Variants in TBC1D1 observed in about 807,000 individuals in gnomAD.
TBC1D1 encodes TBC1 domain family member 1.
Under a neutral mutation model 125.6 loss-of-function variants are expected in TBC1D1, and 89 were observed. The observed-to-expected ratio is 0.71, with a 90% confidence interval of 0.60 to 0.85. TBC1D1 has a LOEUF of 0.85. TBC1D1 is among the 40% of genes least tolerant of loss of function. TBC1D1 has a pLI of 0.00. For synonymous variants in TBC1D1, 565 were observed against 564.1 expected (o/e 1.00, Z -0.02); for missense variants, 1,377 against 1,469.2 (o/e 0.94, Z 1.03).
At chr4:38,085,363 C>G (rs1757313378) in intron 12 of TBC1D1, among the ~76,000 whole-genome samples, 1 of 152,040 alleles carries the variant, frequency 6.6e-6, no homozygotes, top group Non-Finnish European at 1.5e-5. Context: ...TAGGAGATGT[C>G]AGAATAGTAA....
intron 7 of TBC1D1, among the ~76,000 whole-genome samples, chr4:38,028,159 T>C (rs936410937): frequency 1.3e-5 from 2 of 151,670 alleles, no homozygotes; most frequent in South Asian, 4.2e-4. Context: ...AAAAATCTCA[T>C]AATGGTTTTT....
intron 2 of TBC1D1, among the ~76,000 whole-genome samples, chr4:37,903,996 C>G (rs1716746860): frequency 6.6e-6 from 1 of 152,218 alleles, no homozygotes; most frequent in Non-Finnish European, 1.5e-5. Context: ...ACGGCAGCAT[C>G]AGGCTTGGAG....
At chr4:38,022,593 G>A (rs780661108) in intron 6 of TBC1D1, among the ~76,000 whole-genome samples, 2 of 152,164 alleles carry the variant, frequency 1.3e-5, no homozygotes, top group Non-Finnish European at 2.9e-5. Context: ...GAGCCCAAGG[G>A]GCCAGAGGGG....
intron 12 of TBC1D1, among the ~76,000 whole-genome samples, chr4:38,061,536 A>G (rs1051090548): frequency 6.6e-6 from 1 of 152,228 alleles, no homozygotes; most frequent in African/African-American, 2.4e-5. Flanking sequence ...CATTTCACCA[A>G]CAATAGAAGC....
intron 1 of TBC1D1, among the ~76,000 whole-genome samples, chr4:37,892,063 C>T (rs1326511698): frequency 6.6e-6 from 1 of 152,084 alleles, no homozygotes; most frequent in East Asian, 1.9e-4. Flanking sequence ...TTCCTTCCAC[C>T]AAACAGTTTA....
At chr4:37,986,129 G>A (rs1578159523) in intron 2 of TBC1D1, among the ~76,000 whole-genome samples, 3 of 152,142 alleles carry the variant, frequency 2.0e-5, no homozygotes, top group African/African-American at 4.8e-5. Flanking sequence ...ATCAGTAATT[G>A]TGGCTTAGGG....
intron 19 of TBC1D1, among the ~76,000 whole-genome samples, chr4:38,136,677 T>G (rs1206121421): frequency 2.0e-5 from 3 of 152,190 alleles, no homozygotes; most frequent in African/African-American, 4.8e-5. Flanking sequence ...CGTTTAAGTA[T>G]ATGTGCTCAT....
intron 7 of TBC1D1, among the ~76,000 whole-genome samples, chr4:38,034,417 T>C (rs992404846): frequency 1.3e-5 from 2 of 152,254 alleles, no homozygotes; most frequent in African/African-American, 4.8e-5. Flanking sequence ...CAAACCCTTC[T>C]AATCATTAAC....
rs1302350425 is a variant in TBC1D1, at chr4:37,949,609, C to A, written c.417+47097C>A. On this transcript the variant is annotated intron_variant, in intron 2 of 19. Coordinates refer to ENST00000261439, the MANE Select transcript of TBC1D1 (RefSeq NM_015173.4). ...TAGCAGTGCTAGGGATCTAATCACTCCAGGGCAACCCTAAACTGTTGAAGT... is the reference window on the plus strand; with the variant it reads ...TAGCAGTGCTAGGGATCTAATCACTACAGGGCAACCCTAAACTGTTGAAGT... 2.6e-5 allele frequency among the ~76,000 whole-genome samples: 4 copies of A among 152,222 alleles called. No individual in the cohort carries two copies. In the South Asian group the frequency reaches 8.3e-4, roughly 31 times the overall value.
Position 37,902,373 on chromosome 4 carries a change from T to A in TBC1D1, c.278T>A (p.Ile93Asn). ...TGGGATCCCCTGATCTATTCCAGCATCTTTGAGTGCAAGCCTCAGCGTGTT... is the reference window on the plus strand; with the variant it reads ...TGGGATCCCCTGATCTATTCCAGCAACTTTGAGTGCAAGCCTCAGCGTGTT... The change falls in exon 2 of 20, where the codon ATC becomes AAC. Residue 93 changes from isoleucine (I) to asparagine (N), a missense_variant. Around this residue, in one of 3 missense-constraint regions of TBC1D1, gnomAD observed 822 missense variants for 824.6 expected, o/e 1.00. Coordinates refer to ENST00000261439, the MANE Select transcript of TBC1D1 (RefSeq NM_015173.4). The A allele has an allele frequency of 6.2e-7, 1 of 1,614,192 alleles. No individual in the cohort carries two copies. Among genetic ancestry groups the A allele is most frequent in the Non-Finnish European group, 8.5e-7 (1 of 1,180,030 alleles).
At chr4:38,006,344 A>G (rs1200072157) in intron 2 of TBC1D1, among the ~76,000 whole-genome samples, 1 of 152,210 alleles carries the variant, frequency 6.6e-6, no homozygotes, top group Non-Finnish European at 1.5e-5. Context: ...GACTTCAACA[A>G]GGAGATGATA....
chr4:37,952,339 G>A (rs1728054959), intron 2 of TBC1D1: 2 of 462,260 alleles, frequency 4.3e-6, no homozygotes, highest in Non-Finnish European at 7.9e-6. Flanking sequence ...CTAAATCACT[G>A]ATGGAATATA....
At chr4:37,910,545 C>T (rs971642685) in intron 2 of TBC1D1, among the ~76,000 whole-genome samples, 1 of 151,836 alleles carries the variant, frequency 6.6e-6, no homozygotes, top group Non-Finnish European at 1.5e-5. Flanking sequence ...TGCTTACTAA[C>T]AGAAAGATAA....
At chr4:38,082,027 G>A (rs1435308593) in intron 12 of TBC1D1, among the ~76,000 whole-genome samples, 3 of 152,162 alleles carry the variant, frequency 2.0e-5, no homozygotes, top group African/African-American at 7.2e-5. Context: ...TGGGGTACTT[G>A]TAAAGCACAC....
intron 18 of TBC1D1, among the ~76,000 whole-genome samples, chr4:38,126,547 T>C (rs1199071383): frequency 6.6e-6 from 1 of 152,206 alleles, no homozygotes; most frequent in Non-Finnish European, 1.5e-5. Flanking sequence ...AACTTTAGAT[T>C]TCTGTTTGCA....
At position 38,052,724 on chromosome 4, in the gene TBC1D1, G is replaced by GCACA. The variant is rs1553926648; in HGVS notation, c.1911-1474_1911-1473insACAC. 1.5e-4 allele frequency among the ~76,000 whole-genome samples: 9 copies of GCACA among 60,008 alleles called. No homozygotes were observed. In the East Asian group the frequency reaches 1.7e-3, roughly 12 times the overall value. 39.4% of individuals were successfully genotyped at this position (60,008 alleles called of 152,430 possible). Reference sequence around the variant, plus strand: ...TATATACACACACACGCGCGCGCGCGCGCGCACACACACACACACACACAC... The same window carrying GCACA: ...TATATACACACACACGCGCGCGCGCGCACACGCGCACACACACACACACACACAC... On this transcript the variant is annotated intron_variant, in intron 11 of 19. Transcript: ENST00000261439.
intron 2 of TBC1D1, among the ~76,000 whole-genome samples, chr4:37,928,743 T>G (rs1213816830): frequency 6.6e-6 from 1 of 152,218 alleles, no homozygotes; most frequent in Admixed American, 6.5e-5. Context: ...TGGCCAGAAA[T>G]TTAGTTAAAA....
At chr4:37,997,376 CT>C (rs1251680429) in intron 2 of TBC1D1, among the ~76,000 whole-genome samples, 1 of 152,120 alleles carries the variant, frequency 6.6e-6, no homozygotes, top group African/African-American at 2.4e-5. Flanking sequence ...GACTTAAAGG[CT>C]TTTGTGTGTT....
Position 37,995,907 on chromosome 4 carries a change from G to A in TBC1D1, c.418-18602G>A, listed in dbSNP as rs377190489. On this transcript the variant is annotated intron_variant, in intron 2 of 19. Transcript: ENST00000261439. This position sits in a 1 kb window ranked among gnomAD's most constrained non-coding sequence, Gnocchi z 4.3. ...TTCTGGCTTAACCATGGCAAGCAGC[G>A]ACAGGACCTTCTCATTCCCAGGGAG... is the stretch of plus-strand genomic sequence containing the variant. The A allele has an allele frequency of 3.3e-5, 19 of 581,196 alleles. No individual in the cohort carries two copies. The highest frequency in any genetic ancestry group is 7.5e-5 in the African/African-American group (4 of 53,656). The allele number at this position is 581,196 out of a possible 1,614,324, so 36.0% of individuals were successfully genotyped here. A position where few individuals can be genotyped will look rare whatever the true frequency, so the allele number is the denominator to read the frequency against.
Sources: gnomAD v4.1 joint callset for allele counts (sites outside exome capture counted in the v4.1 genomes callset) on GRCh38, gnomAD v4.1.1 for gene constraint, gnomAD v4.1.1 regional missense constraint, Gnocchi (gnomAD v3.1) non-coding constraint, MANE v1.5 for transcripts, NCBI Gene and HGNC (gene_info 2026-07-23, HGNC 2026-07-21) for gene names.